The following KLHL32 variants were observed in gnomAD, a reference collection of about 807,000 sequenced individuals.
KLHL32 encodes kelch-like protein 32.
A neutral mutation model predicts 64.8 loss-of-function variants in KLHL32; 35 were observed. The observed-to-expected ratio is 0.54, with a 90% CI of 0.41 to 0.72. The LOEUF (loss-of-function observed/expected upper bound fraction) is 0.72, where lower values mean the gene tolerates loss of function less well. Ranked by LOEUF, KLHL32 falls within the 30% of genes least tolerant of loss-of-function variation. KLHL32 has a pLI of 0.00. For synonymous variants in KLHL32, 259 were observed against 281.0 expected, an observed-to-expected ratio of 0.92 and a Z score of 0.78; for missense variants, 589 against 768.5, an observed-to-expected ratio of 0.77 and a Z score of 2.76.
chr6:97,091,153 GTGCCGTGA>G (rs1794163717), intron 6 of KLHL32, among the ~76,000 whole-genome samples: 1 of 152,228 alleles, frequency 6.6e-6, no homozygotes, highest in South Asian at 2.1e-4. Flanking sequence ...AGGCTGCAGT[GTGCCGTGA>G]TTGCACCACT....
rs543479014 is a variant in KLHL32 at position 97,040,279 on chromosome 6, A to G, written c.205-1213A>G. Among the ~76,000 whole-genome samples the G allele has an allele frequency of 2.6e-5, 4 of 152,298 alleles. No individual in the cohort carries two copies. In the South Asian group the frequency reaches 8.3e-4, roughly 32 times the overall value. On this transcript the variant is annotated intron_variant, in intron 3 of 10. Coordinates refer to ENST00000369261, the MANE Select transcript of KLHL32 (RefSeq NM_052904.4). ...TCTCTTTATATTTCTTAAGTCAAAG[A>G]TTAAAGGTGCACAAATTAGCATGGG...
At chr6:97,028,047 T>G (rs1198252326) in intron 3 of KLHL32, among the ~76,000 whole-genome samples, 1 of 152,120 alleles carries the variant, frequency 6.6e-6, no homozygotes, top group African/African-American at 2.4e-5. Context: ...TCATGAAAAA[T>G]ATTAGGTGTC....
chr6:97,035,228 C>T (rs1784115047), intron 3 of KLHL32, among the ~76,000 whole-genome samples: 3 of 152,200 alleles, frequency 2.0e-5, no homozygotes, highest in Middle Eastern at 3.4e-3. Context: ...AACTTAACTG[C>T]ACACAGAAAT....
chr6:96,907,663 A>G, the KLHL32 span, among the ~76,000 whole-genome samples: 60 of 152,314 alleles, frequency 3.9e-4, no homozygotes, highest in South Asian at 3.5e-3. Flanking sequence ...GCTGCTCATC[A>G]GAAGAGTGAC....
intron 6 of KLHL32, among the ~76,000 whole-genome samples, chr6:97,094,743 A>G (rs1372298494): frequency 6.6e-6 from 1 of 152,198 alleles, no homozygotes; most frequent in African/African-American, 2.4e-5. Context: ...CTTTGTCTAT[A>G]GGAAGAGTTA....
intron 6 of KLHL32, among the ~76,000 whole-genome samples, chr6:97,109,166 C>G (rs574578124): frequency 6.6e-6 from 1 of 152,190 alleles, no homozygotes; most frequent in African/African-American, 2.4e-5. Context: ...CAGAAACCCC[C>G]GTGTAATTTG....
intron 1 of KLHL32, among the ~76,000 whole-genome samples, chr6:96,955,613 T>C (rs1412678068): frequency 6.6e-6 from 1 of 152,162 alleles, no homozygotes; most frequent in Non-Finnish European, 1.5e-5. Flanking sequence ...TTTTGGTAAG[T>C]GTATTAGTCC....
intron 3 of KLHL32, among the ~76,000 whole-genome samples, chr6:97,006,333 C>G (rs1779662209): frequency 6.6e-6 from 1 of 152,090 alleles, no homozygotes; most frequent in Admixed American, 6.6e-5. Flanking sequence ...ATAGAAAGCT[C>G]TGCTCTTTTC....
chr6:97,041,693 T>C, intron 4 of KLHL32, 94 bp downstream of exon 4: 1 of 687,476 alleles, frequency 1.5e-6, no homozygotes, highest in South Asian at 2.1e-5. Flanking sequence ...GTTATTGTTC[T>C]TGTTACTCAT....
chr6:96,907,367 G>A, the KLHL32 span, among the ~76,000 whole-genome samples: 2 of 152,014 alleles, frequency 1.3e-5, no homozygotes, highest in African/African-American at 4.8e-5. Context: ...ATTATTCTAA[G>A]TACATCTTAC....
the KLHL32 span, among the ~76,000 whole-genome samples, chr6:96,901,526 C>A: frequency 6.6e-6 from 1 of 152,138 alleles, no homozygotes; most frequent in Non-Finnish European, 1.5e-5. Context: ...ATCTGAAGAT[C>A]CTTGATTTAG....
chr6:96,948,895 T>A (rs1772236924), intron 1 of KLHL32, among the ~76,000 whole-genome samples: 1 of 152,174 alleles, frequency 6.6e-6, no homozygotes, highest in South Asian at 2.1e-4. Flanking sequence ...TGCGAAAAAG[T>A]CATGTAGCAA....
chr6:97,134,812 T>A (rs535845933), intron 10 of KLHL32, among the ~76,000 whole-genome samples: 2 of 152,294 alleles, frequency 1.3e-5, no homozygotes, highest in South Asian at 4.1e-4. Context: ...CATCTCATAT[T>A]TTGTTAACAG....
chr6:96,944,289 A>C (rs1447967300), intron 1 of KLHL32, among the ~76,000 whole-genome samples: 1 of 152,250 alleles, frequency 6.6e-6, no homozygotes, highest in East Asian at 1.9e-4. Flanking sequence ...CCTAGGCAAG[A>C]ATAAAATATT....
chr6:96,915,406 C>T, the KLHL32 span, among the ~76,000 whole-genome samples: 6 of 152,110 alleles, frequency 3.9e-5, no homozygotes, highest in African/African-American at 7.2e-5. Flanking sequence ...AAGACACTGA[C>T]ATATGAACAA....
At chr6:96,920,727 C>G (rs1213120317), upstream of KLHL32, among the ~76,000 whole-genome samples, 4 of 152,100 alleles carry the variant, frequency 2.6e-5, no homozygotes, top group African/African-American at 9.7e-5. Context: ...TAAATGGCTA[C>G]TTGGTATCTT....
At chr6:97,100,288 T>G (rs1243031586) in intron 6 of KLHL32, among the ~76,000 whole-genome samples, 3 of 152,208 alleles carry the variant, frequency 2.0e-5, no homozygotes, top group African/African-American at 7.2e-5. Flanking sequence ...ATATGCTTTT[T>G]CAACATCAGT....
chr6:97,132,868 T>G (rs1799593878), intron 10 of KLHL32, 121 bp downstream of exon 10: 1 of 638,920 alleles, frequency 1.6e-6, no homozygotes, highest in Admixed American at 3.4e-5. Context: ...TCCCGTTTTT[T>G]GTGCAACTAG....
chr6:96,982,831 G>A (rs1776484723), intron 3 of KLHL32, among the ~76,000 whole-genome samples: 1 of 152,242 alleles, frequency 6.6e-6, no homozygotes, highest in South Asian at 2.1e-4. Flanking sequence ...TGCAAACAGG[G>A]ACAATTTGAC....
Sources: allele counts gnomAD v4.1 joint callset (sites outside exome capture counted in the v4.1 genomes callset), GRCh38; gene constraint gnomAD v4.1.1; transcripts MANE v1.5; gene names NCBI Gene and HGNC (gene_info 2026-07-23, HGNC 2026-07-21).